SLC6A12: variants seen among roughly 807,000 people sequenced by gnomAD.
The protein encoded by SLC6A12 is solute carrier family 6 member 12, also known as sodium- and chloride-dependent betaine transporter.
In SLC6A12, 50 loss-of-function variants were observed where a neutral mutation model predicts 73.3. That is an observed-to-expected ratio of 0.68 (90% CI 0.54 to 0.86). The LOEUF (loss-of-function observed/expected upper bound fraction) is 0.86. Among genes scored for constraint, SLC6A12 ranks in the 40% least tolerant of loss-of-function variants. The pLI is 0.00. For missense variants in SLC6A12, 648 were observed against 772.8 expected, an observed-to-expected ratio of 0.84 and a Z score of 1.92; for synonymous variants, 304 against 309.2, an observed-to-expected ratio of 0.98 and a Z score of 0.18.
downstream of SLC6A12, among the ~76,000 whole-genome samples, chr12:189,140 G>C (rs867909612): frequency 7.2e-5 from 11 of 152,326 alleles, no homozygotes; most frequent in Admixed American, 2.6e-4. Flanking sequence ...GTGCCGCGGC[G>C]TTTGCAGGCG....
intron 5 of SLC6A12, 30 bp downstream of exon 5, chr12:202,710 C>G (rs755695915): frequency 6.2e-6 from 10 of 1,604,006 alleles, no homozygotes; most frequent in Non-Finnish European, 7.7e-6. Flanking sequence ...CCCTAACAGG[C>G]AACATCCCAG....
intron 7 of SLC6A12, among the ~76,000 whole-genome samples, chr12:200,431 C>T (rs1022390373): frequency 3.9e-5 from 6 of 152,328 alleles, no homozygotes; most frequent in Admixed American, 1.3e-4. Context: ...TTATGTAAAC[C>T]GGACTTTTAA....
At chr12:206,975 G>T (rs1047289130) in intron 3 of SLC6A12, among the ~76,000 whole-genome samples, 1 of 152,236 alleles carries the variant, frequency 6.6e-6, no homozygotes, top group East Asian at 1.9e-4. Context: ...CACAGAAGAC[G>T]GGGTGACTTC....
chr12:206,046 C>T (rs1940621645), intron 3 of SLC6A12, among the ~76,000 whole-genome samples: 1 of 152,186 alleles, frequency 6.6e-6, no homozygotes, highest in Admixed American at 6.5e-5. Flanking sequence ...AAAAGTTATG[C>T]ACTTTTTTTC....
chr12:196,875 C>A lies in SLC6A12; in HGVS notation c.1083G>T (p.Gly361=), dbSNP rs141117274. The A allele has an allele frequency of 8.1e-6, 13 of 1,612,934 alleles. No individual in the cohort carries two copies. The highest frequency in any genetic ancestry group is 2.7e-5 in the African/African-American group (2 of 74,866). ...CCTTGGGGAAGGCGATGAAGGCCAG[C>A]CCAGGACCTGCCAGGTACACAGCAC... The part of the protein sequence containing the change: ...PISEVAESGP[G]LAFIAFPKAV... Residue 361 remains glycine, a synonymous_variant, in exon 11 of 16, where the codon GGG becomes GGT. Coordinates refer to ENST00000684302, the MANE Select transcript of SLC6A12 (RefSeq NM_001122848.3).
chr12:191,736 G>C (rs147555791), intron 15 of SLC6A12, among the ~76,000 whole-genome samples: 31 of 152,264 alleles, frequency 2.0e-4, no homozygotes, highest in African/African-American at 7.5e-4. Flanking sequence ...CTGGAATCGT[G>C]ACAGCCATCT....
rs1368930259 is a variant in SLC6A12 at position 198,187 on chromosome 12, T to G, written c.847-184A>C. On this transcript the variant is annotated intron_variant, in intron 8 of 15. Transcript: ENST00000684302. The surrounding 1 kb of genome is among the most constrained non-coding windows in gnomAD (Gnocchi z 4.0). The stretch of plus-strand genomic sequence containing the variant: ...GTCTCCACGGTGATCTCCTCCCCAG[T>G]GCGGCCCAGTTTCGGTTTGGTTCTG... 2.0e-5 allele frequency among the ~76,000 whole-genome samples: 3 copies of G among 152,182 alleles called. No homozygotes were observed. The East Asian group carries it at 5.8e-4, about 29-fold the overall frequency.
At chr12:199,134 C>G in intron 7 of SLC6A12, 1 of 455,390 alleles carries the variant, frequency 2.2e-6, no homozygotes, top group Non-Finnish European at 4.0e-6. Context: ...AGATACACAT[C>G]AGCAGGGGGA....
downstream of SLC6A12, among the ~76,000 whole-genome samples, chr12:187,239 T>A (rs966326805): frequency 6.6e-6 from 1 of 151,970 alleles, no homozygotes; most frequent in African/African-American, 2.4e-5. Context: ...AGTAAGTGGG[T>A]TCTTGGTCTC....
At chr12:203,794 G>A (rs1399681330) in intron 4 of SLC6A12, 1 of 148,910 alleles carries the variant, frequency 6.7e-6, no homozygotes. Context: ...AGGGGCTCGC[G>A]GGGGAGCGCG....
At chr12:200,106 CTTT>C (rs33929668) in intron 7 of SLC6A12, among the ~76,000 whole-genome samples, 3,596 of 104,552 alleles carry the variant, frequency 0.034, 84 homozygotes, top group South Asian at 0.15. Context: ...CCTGAATATT[CTTT>C]TTTTTTTTTT....
chr12:200,748 T>C lies in SLC6A12; in HGVS notation c.614A>G (p.Asp205Gly), dbSNP rs2137154096. ...CAGCTCCCAGCGCAGGGAGCCCAGG[T>C]CATGGATGCCCGAGGTGATGCCCAG... ...RVLGITSGIH[D>G]LGSLRWELAL... The change falls in exon 7 of 16, where the codon GAC becomes GGC. Residue 205 changes from aspartate (D) to glycine (G), a missense_variant. By Grantham distance (94) the Asp-to-Gly change is moderately conservative (BLOSUM62 -1). Transcript: ENST00000684302. The C allele has an allele frequency of 6.2e-7, 1 of 1,613,988 alleles. No homozygotes were observed. The highest frequency in any genetic ancestry group is 2.2e-5 in the East Asian group (1 of 44,856).
downstream of SLC6A12, among the ~76,000 whole-genome samples, chr12:187,693 T>TCCG (rs1939462384): frequency 6.9e-6 from 1 of 144,506 alleles, no homozygotes; most frequent in South Asian, 2.3e-4. Flanking sequence ...CACTAGGGCC[T>TCCG]CCGGCAGCCT....
chr12:207,056 G>C (rs76163073), intron 3 of SLC6A12, among the ~76,000 whole-genome samples: 2 of 152,340 alleles, frequency 1.3e-5, no homozygotes, highest in Non-Finnish European at 2.9e-5. Context: ...CTGGACCTTC[G>C]AGGGGCAGAT....
intron 3 of SLC6A12, among the ~76,000 whole-genome samples, chr12:207,158 A>C (rs1259235793): frequency 6.6e-6 from 1 of 152,246 alleles, no homozygotes; most frequent in Non-Finnish European, 1.5e-5. Flanking sequence ...AAATTCCCTC[A>C]TCAGTGCCTT....
downstream of SLC6A12, among the ~76,000 whole-genome samples, chr12:186,427 T>G (rs1939429020): frequency 6.6e-6 from 1 of 152,214 alleles, no homozygotes. Flanking sequence ...GCTTACGGCT[T>G]AAAACAACCA....
intron 11 of SLC6A12, 89 bp from the exon 12 acceptor site, chr12:196,350 A>T: frequency 6.8e-7 from 1 of 1,462,592 alleles, no homozygotes; most frequent in Non-Finnish European, 9.3e-7. Flanking sequence ...GCTCATCCAC[A>T]CTGATGCACA....
At chr12:188,285 G>A (rs1237851226), downstream of SLC6A12, among the ~76,000 whole-genome samples, 1 of 152,222 alleles carries the variant, frequency 6.6e-6, no homozygotes, top group Non-Finnish European at 1.5e-5. Flanking sequence ...CTAAGGCCCA[G>A]CGAGAAATTG....
chr12:201,389 G>C (rs1446681966), intron 6 of SLC6A12: 3 of 250,100 alleles, frequency 1.2e-5, no homozygotes, highest in Admixed American at 9.8e-5. Flanking sequence ...TCCCGCCTTG[G>C]GCAATTTCAA....
Sources: allele counts gnomAD v4.1 joint callset (sites outside exome capture counted in the v4.1 genomes callset), GRCh38; gene constraint gnomAD v4.1.1; non-coding constraint Gnocchi (gnomAD v3.1); transcripts MANE v1.5; gene names NCBI Gene and HGNC (gene_info 2026-07-23, HGNC 2026-07-21).